Variants in CCDC158 observed in about 807,000 individuals in gnomAD.
CCDC158 encodes the protein coiled-coil domain containing 158.
Under a neutral mutation model 138.6 loss-of-function variants are expected in CCDC158, and 116 were observed. The ratio of observed to expected loss-of-function variants is 0.84; its 90% CI spans 0.72 to 0.98. CCDC158 has a LOEUF of 0.98. CCDC158 is among the 50% of genes least tolerant of loss of function. The pLI is 0.00. For missense variants in CCDC158, 1,265 were observed against 1,306.1 expected, an observed-to-expected ratio of 0.97 and a Z score of 0.48; for synonymous variants, 436 against 442.4, an observed-to-expected ratio of 0.99 and a Z score of 0.18.
chr4:76,353,770 TAAC>T (rs1723273069), intron 15 of CCDC158, among the ~76,000 whole-genome samples: 1 of 152,192 alleles, frequency 6.6e-6, no homozygotes, highest in Admixed American at 6.5e-5. Flanking sequence ...TCAAGTCACT[TAAC>T]AGCCCAATGA....
intron 12 of CCDC158, among the ~76,000 whole-genome samples, chr4:76,364,019 T>C (rs1258359213): frequency 1.3e-5 from 2 of 152,098 alleles, no homozygotes; most frequent in African/African-American, 4.8e-5. Flanking sequence ...ATATGGCAAC[T>C]CTAATTCGGC....
rs183807566 is a variant in CCDC158, at chr4:76,366,189, T to C, written c.1830+1105A>G. Among the ~76,000 whole-genome samples the C allele has an allele frequency of 1.2e-4, 18 of 152,318 alleles. No individual in the cohort carries two copies. In the East Asian group the frequency reaches 3.1e-3, roughly 26 times the overall value. ...CATCACACCTGTTCTAAGGGTTTCA[T>C]TGTAGGGCTGGCCATTGAGAATCCT... On this transcript the variant is annotated intron_variant, in intron 12 of 24. Transcript: ENST00000682701.
At chr4:76,359,539 T>C (rs1160447237) in intron 13 of CCDC158, among the ~76,000 whole-genome samples, 2 of 152,182 alleles carry the variant, frequency 1.3e-5, no homozygotes, top group Non-Finnish European at 2.9e-5. Flanking sequence ...GATGAGGAAC[T>C]TACTGGGAAA....
At chr4:76,348,915 A>C (rs1023032388) in intron 18 of CCDC158, among the ~76,000 whole-genome samples, 46 of 152,334 alleles carry the variant, frequency 3.0e-4, no homozygotes, top group African/African-American at 1.0e-3. Flanking sequence ...TAAGGGATGA[A>C]AATTTTCTCA....
At position 76,384,622 on chromosome 4, in the gene CCDC158, G is replaced by C; in HGVS notation, c.332C>G (p.Ser111Ter). The change falls in exon 5 of 25, where the codon TCA becomes TGA. Residue 111 changes from serine to a stop codon, truncating the protein, a stop_gained. Transcript: ENST00000682701. LOFTEE classifies it high-confidence loss of function. ...HEKQKFYLRQ[S>*]VIDLQTKLQE... ...AAGTTTTGTTTGCAAATCAATGACT[G>C]ACTGCCTCAAATAAAACTTTTGTTT... 6.2e-7 allele frequency: 1 copy of C among 1,613,326 alleles called. No homozygotes were observed.
chr4:76,345,424 T>C (rs1722454350), intron 18 of CCDC158: 2 of 940,648 alleles, frequency 2.1e-6, no homozygotes, highest in East Asian at 2.4e-5. Flanking sequence ...TGCCTGAAAT[T>C]TGAACAGCTT....
At chr4:76,381,305 G>T (rs372917940) in intron 8 of CCDC158, among the ~76,000 whole-genome samples, 1 of 152,232 alleles carries the variant, frequency 6.6e-6, no homozygotes, top group Non-Finnish European at 1.5e-5. Flanking sequence ...AGCTGCGGAG[G>T]CTGTACAATG....
chr4:76,341,289 T>C (rs1451820014), intron 18 of CCDC158, among the ~76,000 whole-genome samples: 1 of 152,180 alleles, frequency 6.6e-6, no homozygotes, highest in Non-Finnish European at 1.5e-5. Context: ...TCTCCAAAGA[T>C]AGAAGATAAA....
intron 14 of CCDC158, 113 bp downstream of exon 14, chr4:76,357,261 A>G (rs1723661177): frequency 1.7e-6 from 1 of 576,332 alleles, no homozygotes; most frequent in Non-Finnish European, 2.8e-6. Context: ...TATTTCTTAC[A>G]TCATTTAGCA....
At chr4:76,387,220 T>C (rs750448943) in intron 4 of CCDC158, among the ~76,000 whole-genome samples, 1 of 152,114 alleles carries the variant, frequency 6.6e-6, no homozygotes, top group African/African-American at 2.4e-5. Flanking sequence ...TTGTCTTGCA[T>C]GTTAGGTACC....
chr4:76,339,975 T>G (rs1324436646), intron 18 of CCDC158, among the ~76,000 whole-genome samples: 1 of 152,142 alleles, frequency 6.6e-6, no homozygotes, highest in African/African-American at 2.4e-5. Context: ...TGACCAGAGT[T>G]TTTGGGTTAT....
chr4:76,378,173 A>G (rs951705541), intron 9 of CCDC158, among the ~76,000 whole-genome samples: 42 of 152,294 alleles, frequency 2.8e-4, no homozygotes, highest in African/African-American at 9.6e-4. Flanking sequence ...GCGCGAGCCA[A>G]GTAGAAACAG....
intron 1 of CCDC158, among the ~76,000 whole-genome samples, chr4:76,414,841 C>T (rs1222564887): frequency 1.3e-5 from 2 of 152,158 alleles, no homozygotes; most frequent in Admixed American, 6.6e-5. Flanking sequence ...TCTTTTTCTT[C>T]TTCTCAGTAT....
At position 76,397,946 on chromosome 4, in the gene CCDC158, G is replaced by A. The variant is rs151012757; in HGVS notation, c.71-1460C>T. ...GCAAAATACAAGGTGAGCCTGAAAC[G>A]TTTTGATGTGTCAGAGAGCAAAAAA... On this transcript the variant is annotated intron_variant, in intron 3 of 24. Coordinates refer to ENST00000682701, the MANE Select transcript of CCDC158 (RefSeq NM_001394954.1). Among the ~76,000 whole-genome samples the A allele has an allele frequency of 1.6e-3, 244 of 152,252 alleles. 2 individuals carry two copies. The highest frequency in any genetic ancestry group is 5.5e-3 in the African/African-American group (230 of 41,558).
rs781294515 is a variant in CCDC158 at position 76,325,839 on chromosome 4, A to G, written c.3169+18T>C. 4 of 1,597,084 alleles carry G rather than the reference A, an allele frequency of 2.5e-6. No individual in the cohort carries two copies. The Admixed American group carries it at 7.1e-5, about 28-fold the overall frequency. On this transcript the variant is annotated intron_variant, in intron 23 of 24. Transcript: ENST00000682701. ...AGGAAATCAATTAATCACGTCAATG[A>G]TATCAGATCTTTCTTACCTTTAACA...
intron 18 of CCDC158, among the ~76,000 whole-genome samples, chr4:76,342,145 G>A (rs1201289807): frequency 6.6e-6 from 1 of 152,086 alleles, no homozygotes; most frequent in Non-Finnish European, 1.5e-5. Context: ...ATGGACTCAA[G>A]CAATCCTTCT....
rs752933163 is a variant in CCDC158, at chr4:76,384,229, G to A, written c.585C>T (p.Asp195=). The change falls in exon 6 of 25, where the codon GAC becomes GAT. Residue 195 remains aspartate, a synonymous_variant. Coordinates refer to ENST00000682701, the MANE Select transcript of CCDC158 (RefSeq NM_001394954.1). ...TTTTTTTGCCTGAGGCTTCTTCAAA[G>A]TCAACTAGGATTGACCGGATTTCTT... ...VLQEIRSILV[D]FEEASGKKIC... The A allele has an allele frequency of 3.7e-6, 6 of 1,614,104 alleles. No individual in the cohort carries two copies. Among genetic ancestry groups the A allele is most frequent in the Non-Finnish European group, 4.2e-6 (5 of 1,179,992 alleles).
chr4:76,327,649 T>TA (rs1201296619), intron 22 of CCDC158, among the ~76,000 whole-genome samples: 1 of 152,234 alleles, frequency 6.6e-6, no homozygotes, highest in African/African-American at 2.4e-5. Context: ...TCAGCTCTAT[T>TA]ATAATCTTAT....
chr4:76,396,301 G>C lies in CCDC158; in HGVS notation c.256C>G (p.Gln86Glu), dbSNP rs1253602532. Reference protein sequence around the residue: ...FERVLEEYSHQVKDLQRRLNE... With the variant: ...FERVLEEYSHEVKDLQRRLNE... ...AGTCTTCTCTGTAAATCTTTGACTT[G>C]ATGTGAATATTCTTCCAAAACACGT... The change falls in exon 4 of 25, where the codon CAA (glutamine) becomes GAA (glutamate). Residue 86 changes from glutamine to glutamate, a missense_variant. Transcript: ENST00000682701. The C allele has an allele frequency of 6.2e-7, 1 of 1,613,304 alleles. No individual in the cohort carries two copies. Among genetic ancestry groups the C allele is most frequent in the African/African-American group, 1.3e-5 (1 of 74,902 alleles).
Sources: gnomAD v4.1 joint callset for allele counts (sites outside exome capture counted in the v4.1 genomes callset) on GRCh38, gnomAD v4.1.1 for gene constraint, MANE v1.5 for transcripts, NCBI Gene and HGNC (gene_info 2026-07-23, HGNC 2026-07-21) for gene names.